CILK1: variants seen among roughly 807,000 people sequenced by gnomAD.
CILK1 encodes the protein ciliogenesis associated kinase 1.
CILK1 carries 47 observed loss-of-function variants against 79.2 expected under a neutral mutation model. That is an observed-to-expected ratio of 0.59 (90% CI 0.47 to 0.76). The LOEUF is 0.76. CILK1 is among the 30% of genes least tolerant of loss of function. The pLI, the probability that CILK1 is intolerant of heterozygous loss-of-function variation, is 0.00. For synonymous variants in CILK1, 266 were observed against 275.9 expected (o/e 0.96, Z 0.36); for missense variants, 660 against 769.5 (o/e 0.86, Z 1.68).
In CILK1 at chr6:53,006,684, A is replaced by C. The variant is rs1267465054; in HGVS notation, c.1622-247T>G. On this transcript the variant is annotated intron_variant, in intron 12 of 13. Transcript: ENST00000676107. ...CAAATAGAGGGTGGGTTGGTTGTGAAATTTTTTTAAAAAAGGGAAATATGA... is the reference window on the plus strand; with the variant it reads ...CAAATAGAGGGTGGGTTGGTTGTGACATTTTTTTAAAAAAGGGAAATATGA... Among the ~76,000 whole-genome samples, 4 of 152,172 alleles carry C rather than the reference A, an allele frequency of 2.6e-5. No homozygotes were observed. In the East Asian group the frequency reaches 7.7e-4, roughly 29 times the overall value.
At position 53,043,653 on chromosome 6, in the gene CILK1, C is replaced by T. The variant is rs1581748916; in HGVS notation, c.-172-2245G>A. Reference sequence around the variant, plus strand: ...TGACTAATAAATATTTATAAAGCACCTTCTGTGTGACAGATCCTATCTTTA... The same window carrying T: ...TGACTAATAAATATTTATAAAGCACTTTCTGTGTGACAGATCCTATCTTTA... On this transcript the variant is annotated intron_variant, in intron 1 of 13. Coordinates refer to ENST00000676107, the MANE Select transcript of CILK1 (RefSeq NM_014920.5). Among the ~76,000 whole-genome samples, 9 of 152,196 alleles carry T rather than the reference C, an allele frequency of 5.9e-5. No individual in the cohort carries two copies. In the South Asian group the frequency reaches 1.9e-3, roughly 32 times the overall value.
At chr6:53,036,770 G>T (rs1766368233) in intron 3 of CILK1, among the ~76,000 whole-genome samples, 1 of 152,178 alleles carries the variant, frequency 6.6e-6, no homozygotes, top group South Asian at 2.1e-4. Context: ...TCAGTTTGAT[G>T]ACAGGGAACA....
intron 12 of CILK1, among the ~76,000 whole-genome samples, chr6:53,008,955 A>C (rs1764400647): frequency 6.6e-6 from 1 of 152,008 alleles, no homozygotes; most frequent in Non-Finnish European, 1.5e-5. Flanking sequence ...GGACTCAGTA[A>C]ATTCATTCAT....
intron 5 of CILK1, among the ~76,000 whole-genome samples, chr6:53,023,843 G>C (rs1209491949): frequency 6.6e-6 from 1 of 152,196 alleles, no homozygotes; most frequent in Non-Finnish European, 1.5e-5. Flanking sequence ...CATAATGGCG[G>C]ATCTGTAGGA....
At chr6:53,026,121 G>C (rs1765555321) in intron 5 of CILK1, among the ~76,000 whole-genome samples, 1 of 152,046 alleles carries the variant, frequency 6.6e-6, no homozygotes, top group Non-Finnish European at 1.5e-5. Context: ...TGTTCTGCAG[G>C]ATTAAATGTG....
intron 5 of CILK1, among the ~76,000 whole-genome samples, chr6:53,030,151 C>T (rs1013724287): frequency 2.6e-5 from 4 of 152,192 alleles, no homozygotes; most frequent in Non-Finnish European, 4.4e-5. Context: ...ATGTGGTCAT[C>T]GTTCCTTTGG....
intron 5 of CILK1, among the ~76,000 whole-genome samples, chr6:53,026,948 C>G (rs540413426): frequency 6.6e-6 from 1 of 152,268 alleles, no homozygotes; most frequent in Admixed American, 6.5e-5. Flanking sequence ...AACCCTTGGG[C>G]AAGGAAAACA....
At chr6:53,012,782 G>A (rs1270653209) in intron 9 of CILK1, among the ~76,000 whole-genome samples, 1 of 152,172 alleles carries the variant, frequency 6.6e-6, no homozygotes, top group Non-Finnish European at 1.5e-5. Context: ...ACATTGTGGT[G>A]GTTGGGAGCC....
Position 53,049,203 on chromosome 6 carries a change from A to G in CILK1, c.-172-7795T>C, listed in dbSNP as rs572927953. ...AGAAGTCACTGTTAATCTATCCACT[A>G]CAGCTGAAAGCATTCCTGATACTAT... On this transcript the variant is annotated intron_variant, in intron 1 of 13. Coordinates refer to ENST00000676107, the MANE Select transcript of CILK1 (RefSeq NM_014920.5). 3.3e-5 allele frequency among the ~76,000 whole-genome samples: 5 copies of G among 152,340 alleles called. No homozygotes were observed. The East Asian group carries it at 7.7e-4, about 24-fold the overall frequency.
chr6:53,045,506 A>G (rs1767004806), intron 1 of CILK1, among the ~76,000 whole-genome samples: 1 of 152,212 alleles, frequency 6.6e-6, no homozygotes, highest in African/African-American at 2.4e-5. Context: ...TACATGAGAT[A>G]TTCAACACTT....
At chr6:53,029,881 CG>C (rs1765819614) in intron 5 of CILK1, among the ~76,000 whole-genome samples, 1 of 152,174 alleles carries the variant, frequency 6.6e-6, no homozygotes, top group Non-Finnish European at 1.5e-5. Context: ...AAATCAGCTT[CG>C]CCCATCTGTC....
chr6:53,030,123 G>C lies in CILK1; in HGVS notation c.358+942C>G, dbSNP rs529462690. Among the ~76,000 whole-genome samples the C allele has an allele frequency of 5.9e-5, 9 of 152,192 alleles. No individual in the cohort carries two copies. In the South Asian group the frequency reaches 1.9e-3, roughly 32 times the overall value. On this transcript the variant is annotated intron_variant, in intron 5 of 13. Coordinates refer to ENST00000676107, the MANE Select transcript of CILK1 (RefSeq NM_014920.5). ...AGCTCAGCTAAGAACAACAGTGATG[G>C]GGGATTTCCAGAATGGTATGTGGTC...
chr6:53,044,993 GTA>G (rs1450513299), intron 1 of CILK1, among the ~76,000 whole-genome samples: 1 of 152,136 alleles, frequency 6.6e-6, no homozygotes, highest in African/African-American at 2.4e-5. Flanking sequence ...GGATCTATGG[GTA>G]TTCTTTTGGT....
chr6:53,017,449 G>A (rs891513897), intron 7 of CILK1, among the ~76,000 whole-genome samples: 4 of 152,222 alleles, frequency 2.6e-5, no homozygotes, highest in African/African-American at 4.8e-5. Context: ...TATGTGCAGA[G>A]CACAGAAGCA....
At position 53,050,861 on chromosome 6, in the gene CILK1, T is replaced by C. The variant is rs533953019; in HGVS notation, c.-172-9453A>G. ...ATTTTTTTTAATTTAAAAAAGCATATAAATATGCATTTTTGATATACAGCA... is the reference window on the plus strand; with the variant it reads ...ATTTTTTTTAATTTAAAAAAGCATACAAATATGCATTTTTGATATACAGCA... On this transcript the variant is annotated intron_variant, in intron 1 of 13. Transcript: ENST00000676107. Among the ~76,000 whole-genome samples, 8 of 152,240 alleles carry C rather than the reference T, an allele frequency of 5.3e-5. No individual in the cohort carries two copies. In the South Asian group the frequency reaches 1.5e-3, roughly 28 times the overall value.
chr6:53,012,248 G>A, intron 9 of CILK1, 21 bp from the exon 10 acceptor site: 1 of 1,612,340 alleles, frequency 6.2e-7, no homozygotes, highest in Non-Finnish European at 8.5e-7. Context: ...AAACGGGGTG[G>A]GGGAAAGCAA....
chr6:53,058,555 C>T (rs989962965), intron 1 of CILK1, among the ~76,000 whole-genome samples: 2 of 152,120 alleles, frequency 1.3e-5, no homozygotes, highest in African/African-American at 4.8e-5. Flanking sequence ...CACACACACA[C>T]CTCTGTTTGC....
chr6:53,046,149 T>C (rs1767062361), intron 1 of CILK1, among the ~76,000 whole-genome samples: 1 of 152,166 alleles, frequency 6.6e-6, no homozygotes, highest in Admixed American at 6.5e-5. Flanking sequence ...TACATGACCT[T>C]TTCTCAGAGG....
chr6:53,038,244 TACTA>T (rs536207898), intron 2 of CILK1, among the ~76,000 whole-genome samples: 2 of 152,156 alleles, frequency 1.3e-5, no homozygotes, highest in Non-Finnish European at 2.9e-5. Context: ...TCTTACTCTA[TACTA>T]ACTAACTAAC....
Sources: allele counts gnomAD v4.1 joint callset (sites outside exome capture counted in the v4.1 genomes callset), GRCh38; gene constraint gnomAD v4.1.1; transcripts MANE v1.5; gene names NCBI Gene and HGNC (gene_info 2026-07-23, HGNC 2026-07-21).